NLGN1: variants seen among roughly 807,000 people sequenced by gnomAD.
The protein encoded by NLGN1 is neuroligin 1.
A neutral mutation model predicts 65.5 loss-of-function variants in NLGN1; 12 were observed. The ratio of observed to expected loss-of-function variants is 0.18; its 90% CI spans 0.12 to 0.30. The LOEUF is 0.30. Among genes scored for constraint, NLGN1 ranks in the 10% least tolerant of loss-of-function variants. The pLI, the probability that NLGN1 is intolerant of heterozygous loss-of-function variation, is 1.00. For missense variants in NLGN1, 750 were observed against 1,007.1 expected (o/e 0.74, Z 3.46); for synonymous variants, 350 against 359.5 (o/e 0.97, Z 0.30).
At chr3:173,973,802 C>T (rs772674055) in intron 4 of NLGN1, among the ~76,000 whole-genome samples, 16 of 151,916 alleles carry the variant, frequency 1.1e-4, no homozygotes, top group South Asian at 4.1e-4. Flanking sequence ...GCTACACAGA[C>T]GAGCCATGGT....
chr3:173,798,776 G>A (rs1714744851), intron 3 of NLGN1, among the ~76,000 whole-genome samples: 2 of 151,914 alleles, frequency 1.3e-5, no homozygotes, highest in Admixed American at 1.3e-4. Context: ...TAGTCAATGG[G>A]TTACTTCAAT....
chr3:174,202,500 G>T (rs1734675928), intron 4 of NLGN1, among the ~76,000 whole-genome samples: 1 of 152,008 alleles, frequency 6.6e-6, no homozygotes, highest in South Asian at 2.1e-4. Flanking sequence ...GAAACTCAGA[G>T]TATTTTACTC....
intron 4 of NLGN1, among the ~76,000 whole-genome samples, chr3:173,915,562 C>CA (rs1399055533): frequency 3.9e-5 from 6 of 152,148 alleles, no homozygotes; most frequent in Non-Finnish European, 8.8e-5. Context: ...TATAACTAAC[C>CA]AGGTAACTTC....
chr3:173,751,930 C>G (rs1176640742), intron 3 of NLGN1, among the ~76,000 whole-genome samples: 1 of 152,048 alleles, frequency 6.6e-6, no homozygotes, highest in Non-Finnish European at 1.5e-5. Context: ...TAGAAAATCA[C>G]AGAGCTGTGA....
intron 2 of NLGN1, among the ~76,000 whole-genome samples, chr3:173,568,906 C>T (rs1404341046): frequency 6.6e-6 from 1 of 152,120 alleles, no homozygotes; most frequent in Non-Finnish European, 1.5e-5. Context: ...TCTCGAACTC[C>T]TGACCTTGTG....
chr3:173,641,169 G>C (rs1255581835), intron 3 of NLGN1, among the ~76,000 whole-genome samples: 5 of 151,948 alleles, frequency 3.3e-5, no homozygotes, highest in Non-Finnish European at 5.9e-5. Context: ...CTTTGTACTT[G>C]TTATTCTTTC....
At chr3:173,543,068 C>T (rs1376455911) in intron 2 of NLGN1, among the ~76,000 whole-genome samples, 2 of 152,076 alleles carry the variant, frequency 1.3e-5, no homozygotes, top group African/African-American at 4.8e-5. Context: ...TCTTTTGTTA[C>T]CCTGCCTTTG....
rs570876422 is a variant in NLGN1 at position 173,832,905 on chromosome 3, C to T, written c.646+25073C>T. On this transcript the variant is annotated intron_variant, in intron 4 of 6. Coordinates refer to ENST00000457714, the Ensembl canonical transcript of NLGN1. The stretch of plus-strand genomic sequence containing the variant: ...ACAAATAAGTCTTGTTAATTTTTCT[C>T]GGTAAAGGTATATTGGCAATCTTTT... Among the ~76,000 whole-genome samples, 48 of 152,056 alleles carry T rather than the reference C, an allele frequency of 3.2e-4. No individual in the cohort carries two copies. The South Asian group carries it at 4.6e-3, about 14-fold the overall frequency.
intron 1 of NLGN1, among the ~76,000 whole-genome samples, chr3:173,399,339 G>T (rs1717221049): frequency 6.6e-6 from 1 of 152,190 alleles, no homozygotes; most frequent in Admixed American, 6.5e-5. Flanking sequence ...TAGAGTTCCA[G>T]TAGTGTGGAG....
chr3:174,118,433 T>C (rs897015238), intron 4 of NLGN1, among the ~76,000 whole-genome samples: 3 of 152,146 alleles, frequency 2.0e-5, no homozygotes, highest in Admixed American at 2.0e-4. Flanking sequence ...GCTCTGAGAA[T>C]TAAAACAAAT....
chr3:174,035,608 T>A (rs1730958796), intron 4 of NLGN1, among the ~76,000 whole-genome samples: 2 of 152,170 alleles, frequency 1.3e-5, no homozygotes, highest in South Asian at 4.1e-4. Context: ...GCCTGCCAAG[T>A]TGAGGTTTGC....
chr3:174,141,186 A>G (rs1722211006), intron 4 of NLGN1, among the ~76,000 whole-genome samples: 1 of 152,166 alleles, frequency 6.6e-6, no homozygotes, highest in African/African-American at 2.4e-5. Flanking sequence ...ATATTAAGAA[A>G]TTAACAAGAA....
At chr3:173,441,385 G>T (rs535074430) in intron 2 of NLGN1, among the ~76,000 whole-genome samples, 2 of 152,086 alleles carry the variant, frequency 1.3e-5, no homozygotes, top group South Asian at 2.1e-4. Flanking sequence ...GCCTATTTTG[G>T]TTTTAGGCAT....
chr3:173,483,146 T>A (rs1474834175), intron 2 of NLGN1, among the ~76,000 whole-genome samples: 1 of 152,060 alleles, frequency 6.6e-6, no homozygotes, highest in Non-Finnish European at 1.5e-5. Flanking sequence ...TCCTCAATAA[T>A]TGAACACATC....
intron 4 of NLGN1, among the ~76,000 whole-genome samples, chr3:173,902,016 G>T (rs528206855): frequency 1.3e-5 from 2 of 151,936 alleles, no homozygotes; most frequent in African/African-American, 4.8e-5. Context: ...TTTATTATTA[G>T]TACTTTGCTT....
At chr3:173,570,084 A>G (rs1387317454) in intron 2 of NLGN1, among the ~76,000 whole-genome samples, 1 of 152,176 alleles carries the variant, frequency 6.6e-6, no homozygotes, top group South Asian at 2.1e-4. Flanking sequence ...ACCCCAACCT[A>G]TCTTGGGAGT....
chr3:173,448,713 G>T (rs1720872680), intron 2 of NLGN1, among the ~76,000 whole-genome samples: 1 of 152,154 alleles, frequency 6.6e-6, no homozygotes, highest in South Asian at 2.1e-4. Flanking sequence ...TGGTTGGTAA[G>T]CTATTAATTA....
At chr3:173,900,447 G>T (rs1313252417) in intron 4 of NLGN1, among the ~76,000 whole-genome samples, 1 of 151,916 alleles carries the variant, frequency 6.6e-6, no homozygotes, top group Non-Finnish European at 1.5e-5. Flanking sequence ...GATGAAGACT[G>T]GCCAAACGTA....
intron 2 of NLGN1, among the ~76,000 whole-genome samples, chr3:173,521,704 T>G (rs1026666020): frequency 2.0e-5 from 3 of 152,178 alleles, no homozygotes; most frequent in African/African-American, 7.2e-5. Context: ...ATAATGAAAA[T>G]ACTCCTGTAG....
Sources: allele counts gnomAD v4.1 joint callset (sites outside exome capture counted in the v4.1 genomes callset), GRCh38; gene constraint gnomAD v4.1.1; transcripts MANE v1.5; gene names NCBI Gene and HGNC (gene_info 2026-07-23, HGNC 2026-07-21).